LRRC4C: variants seen among roughly 807,000 people sequenced by gnomAD.
LRRC4C encodes leucine rich repeat containing 4C, also known as leucine-rich repeat-containing protein 4C.
In LRRC4C, 5 loss-of-function variants were observed where a neutral mutation model predicts 33.6. The ratio of observed to expected loss-of-function variants is 0.15; its 90% CI spans 0.08 to 0.31. The LOEUF (loss-of-function observed/expected upper bound fraction) is 0.31. LRRC4C is among the 10% of genes least tolerant of loss of function. The pLI, the probability that LRRC4C is intolerant of heterozygous loss-of-function variation, is 1.00. For synonymous variants in LRRC4C, 329 were observed against 302.0 expected, an observed-to-expected ratio of 1.09 and a Z score of -0.93; for missense variants, 560 against 796.7, an observed-to-expected ratio of 0.70 and a Z score of 3.58.
intron 1 of LRRC4C, among the ~76,000 whole-genome samples, chr11:41,219,769 G>A (rs1281138189): frequency 6.6e-6 from 1 of 152,184 alleles, no homozygotes; most frequent in African/African-American, 2.4e-5. Flanking sequence ...AAGTTTCAGA[G>A]ATGCAATTCT....
chr11:40,871,080 A>T (rs1191677115), intron 2 of LRRC4C, among the ~76,000 whole-genome samples: 3 of 152,146 alleles, frequency 2.0e-5, no homozygotes, highest in African/African-American at 7.2e-5. Context: ...TCCCAGGCTT[A>T]TTAGGATGAG....
intron 2 of LRRC4C, among the ~76,000 whole-genome samples, chr11:40,849,510 C>T (rs1275569976): frequency 6.6e-6 from 1 of 152,140 alleles, no homozygotes; most frequent in Non-Finnish European, 1.5e-5. Context: ...AGAGAGATCC[C>T]CTGTTAGTCT....
chr11:41,019,178 C>T (rs1397540533), intron 1 of LRRC4C, among the ~76,000 whole-genome samples: 1 of 152,082 alleles, frequency 6.6e-6, no homozygotes, highest in Non-Finnish European at 1.5e-5. Flanking sequence ...CCCCTCACCC[C>T]CACCCCGCAA....
At position 41,458,090 on chromosome 11, in the gene LRRC4C, G is replaced by A. The variant is rs540335430; in HGVS notation, c.-496+1341C>T. On this transcript the variant is annotated intron_variant, in intron 1 of 6. Coordinates refer to ENST00000528697, the MANE Select transcript of LRRC4C (RefSeq NM_001258419.2). ...CTCATAAATCTTTGACCCAGGCAAC[G>A]TAGCCTCTGAATAAATCTATTATGT... 5.9e-5 allele frequency among the ~76,000 whole-genome samples: 9 copies of A among 152,110 alleles called. No homozygotes were observed. The South Asian group carries it at 8.3e-4, about 14-fold the overall frequency.
intron 1 of LRRC4C, among the ~76,000 whole-genome samples, chr11:41,197,224 C>T (rs80230081): frequency 0.01 from 1,549 of 152,096 alleles, 13 homozygotes; most frequent in South Asian, 0.019. Flanking sequence ...GCATTCTTCA[C>T]GGATACAAAA....
intron 2 of LRRC4C, among the ~76,000 whole-genome samples, chr11:40,859,056 C>A (rs1953946200): frequency 6.6e-6 from 1 of 152,100 alleles, no homozygotes; most frequent in South Asian, 2.1e-4. Flanking sequence ...CTAAGAATAT[C>A]AAAATAGATC....
intron 3 of LRRC4C, among the ~76,000 whole-genome samples, chr11:40,500,289 TATATACAC>T (rs1285020347): frequency 0.014 from 1,202 of 83,504 alleles, 11 homozygotes; most frequent in Non-Finnish European, 0.015. Flanking sequence ...TATATATATA[TATATACAC>T]ACACACACAC....
chr11:41,368,348 T>A (rs527323974), intron 1 of LRRC4C, among the ~76,000 whole-genome samples: 35 of 152,330 alleles, frequency 2.3e-4, no homozygotes, highest in African/African-American at 7.5e-4. Context: ...CTCTTCTTTG[T>A]GCCATGTTTC....
At chr11:40,355,073 TG>T (rs1394221695) in intron 3 of LRRC4C, among the ~76,000 whole-genome samples, 1 of 152,112 alleles carries the variant, frequency 6.6e-6, no homozygotes, top group Non-Finnish European at 1.5e-5. Context: ...GTGCCAGGAC[TG>T]GGCCCTTCTT....
intron 5 of LRRC4C, among the ~76,000 whole-genome samples, chr11:40,173,168 G>A (rs1565088033): frequency 6.6e-6 from 1 of 152,212 alleles, no homozygotes; most frequent in Non-Finnish European, 1.5e-5. Flanking sequence ...GTACCCTCCA[G>A]AACTGTGAGG....
chr11:41,016,699 G>A (rs995166216), intron 1 of LRRC4C, among the ~76,000 whole-genome samples: 1 of 102,838 alleles, frequency 9.7e-6, no homozygotes, highest in Non-Finnish European at 2.3e-5. Flanking sequence ...AATCATGAGT[G>A]AACACAGAGA....
chr11:40,276,016 T>C (rs900240280), intron 4 of LRRC4C, among the ~76,000 whole-genome samples: 2 of 152,074 alleles, frequency 1.3e-5, no homozygotes, highest in Non-Finnish European at 2.9e-5. Flanking sequence ...AGCCAAGAAA[T>C]ACATATTGGA....
intron 4 of LRRC4C, among the ~76,000 whole-genome samples, chr11:40,244,109 G>A (rs528604649): frequency 1.1e-3 from 168 of 152,244 alleles, no homozygotes; most frequent in Non-Finnish European, 1.7e-3. Context: ...TTTATAGTCT[G>A]TTTAAGTAGT....
chr11:40,624,457 CAATA>C (rs971917515), intron 3 of LRRC4C, among the ~76,000 whole-genome samples: 12 of 152,062 alleles, frequency 7.9e-5, no homozygotes, highest in Admixed American at 2.0e-4. Context: ...AATCCTGTCC[CAATA>C]AATTACTCTG....
At chr11:41,095,598 T>C (rs1940759816) in intron 1 of LRRC4C, among the ~76,000 whole-genome samples, 1 of 152,242 alleles carries the variant, frequency 6.6e-6, no homozygotes, top group African/African-American at 2.4e-5. Context: ...TGTTCTTTTA[T>C]GATTTTCTTT....
intron 3 of LRRC4C, among the ~76,000 whole-genome samples, chr11:40,602,719 A>C (rs1393807023): frequency 3.9e-5 from 6 of 152,192 alleles, no homozygotes; most frequent in Non-Finnish European, 8.8e-5. Flanking sequence ...ATCTTATAAC[A>C]ATTACAGTTT....
At chr11:40,874,833 T>G (rs1954811238) in intron 2 of LRRC4C, among the ~76,000 whole-genome samples, 1 of 152,310 alleles carries the variant, frequency 6.6e-6, no homozygotes, top group Non-Finnish European at 1.5e-5. Flanking sequence ...GAATATGGAC[T>G]GCTAGCAGTC....
At chr11:40,174,604 C>T (rs1860320828) in intron 5 of LRRC4C, among the ~76,000 whole-genome samples, 1 of 152,112 alleles carries the variant, frequency 6.6e-6, no homozygotes, top group Non-Finnish European at 1.5e-5. Flanking sequence ...CTGAAGTAGC[C>T]ATAGAAACAG....
chr11:40,818,522 C>A (rs1951796649), intron 2 of LRRC4C, among the ~76,000 whole-genome samples: 1 of 151,962 alleles, frequency 6.6e-6, no homozygotes, highest in South Asian at 2.1e-4. Flanking sequence ...CATCATATCA[C>A]TAATAATAAG....
Sources: allele counts gnomAD v4.1 joint callset (sites outside exome capture counted in the v4.1 genomes callset), GRCh38; gene constraint gnomAD v4.1.1; transcripts MANE v1.5; gene names NCBI Gene and HGNC (gene_info 2026-07-23, HGNC 2026-07-21).